EVC: variants seen among roughly 807,000 people sequenced by gnomAD.
EVC encodes the protein evC complex member EVC.
Under a neutral mutation model 118.9 loss-of-function variants are expected in EVC, and 116 were observed. The observed-to-expected ratio is 0.98, with a 90% CI of 0.84 to 1.14. EVC has a LOEUF of 1.14. EVC is among the 50% of genes most tolerant of loss of function. EVC has a pLI of 0.00. For missense variants in EVC, 1,401 were observed against 1,246.4 expected (o/e 1.12, Z -1.87); for synonymous variants, 619 against 534.7 (o/e 1.16, Z -2.18).
chr4:5,718,369 TCACACCTGAATGAAGCTTCTGTAACA>T (rs1464727460), intron 1 of EVC, among the ~76,000 whole-genome samples: 1 of 152,164 alleles, frequency 6.6e-6, no homozygotes, highest in Non-Finnish European at 1.5e-5. Context: ...GCTCTGTAAC[TCACACCTGAATGAAGCTTCTGTAACA>T]CACCCATTTC....
intron 11 of EVC, among the ~76,000 whole-genome samples, chr4:5,780,560 CTTAACAATTATATTTA>C (rs1179671141): frequency 6.6e-6 from 1 of 152,120 alleles, no homozygotes; most frequent in East Asian, 1.9e-4. Context: ...ATTAGTAATT[CTTAACAATTATATTTA>C]TTATCACCTG....
chr4:5,791,532 G>C lies in EVC; in HGVS notation c.1777-2076G>C, dbSNP rs542646017. Reference sequence around the variant, plus strand: ...ATCCAGGAAGGCAGAGAGAACACTGGAATCTTATTTCTCCTTCTAGTCTGG... The same window carrying C: ...ATCCAGGAAGGCAGAGAGAACACTGCAATCTTATTTCTCCTTCTAGTCTGG... On this transcript the variant is annotated intron_variant, in intron 12 of 20. Transcript: ENST00000264956. Among the ~76,000 whole-genome samples, 39 of 152,258 alleles carry C rather than the reference G, an allele frequency of 2.6e-4. No homozygotes were observed. In the South Asian group the frequency reaches 7.9e-3, roughly 31 times the overall value.
At chr4:5,734,352 C>T (rs115610200) in intron 5 of EVC, among the ~76,000 whole-genome samples, 5 of 152,220 alleles carry the variant, frequency 3.3e-5, no homozygotes, top group African/African-American at 9.6e-5. Flanking sequence ...AAGAACATCA[C>T]GTTGGAGGCC....
chr4:5,753,078 G>A (rs780701984), intron 9 of EVC, 26 bp downstream of exon 9: 42 of 1,553,500 alleles, frequency 2.7e-5, no homozygotes, highest in East Asian at 9.5e-5. Context: ...GGGTGCCGCC[G>A]TCCACAACAC....
downstream of EVC, among the ~76,000 whole-genome samples, chr4:5,818,932 C>T (rs1041881548): frequency 4.6e-5 from 7 of 152,162 alleles, no homozygotes; most frequent in African/African-American, 9.7e-5. Context: ...GCTTTCTACC[C>T]CACCCACCTT....
At chr4:5,726,375 C>G (rs569165209) in intron 2 of EVC, among the ~76,000 whole-genome samples, 6 of 152,192 alleles carry the variant, frequency 3.9e-5, no homozygotes, top group Admixed American at 3.3e-4. Flanking sequence ...ACTGACTTTA[C>G]AAAGTGCAGG....
At chr4:5,806,360 G>A (rs1246865233) in intron 17 of EVC, among the ~76,000 whole-genome samples, 3 of 152,078 alleles carry the variant, frequency 2.0e-5, no homozygotes, top group African/African-American at 7.2e-5. Flanking sequence ...GATTACAGGT[G>A]TGAGCCACTG....
At chr4:5,825,961 C>T in the EVC span, 1 of 431,568 alleles carries the variant, frequency 2.3e-6, no homozygotes, top group Non-Finnish European at 4.1e-6. This position sits in a 1 kb window ranked among gnomAD's most constrained non-coding sequence, Gnocchi z 4.4. Context: ...TATGCATGCA[C>T]ATGCAGTAAC....
the EVC span, chr4:5,825,921 C>T: frequency 2.0e-6 from 1 of 493,606 alleles, no homozygotes; most frequent in Non-Finnish European, 3.5e-6. The surrounding 1 kb of genome is among the most constrained non-coding windows in gnomAD (Gnocchi z 4.4). Flanking sequence ...CACGCACACG[C>T]ACTCACATAC....
chr4:5,824,384 G>C, the EVC span: 7 of 985,186 alleles, frequency 7.1e-6, no homozygotes, highest in Non-Finnish European at 7.2e-6. Flanking sequence ...GAATGGGGAG[G>C]CCTCCTTGAT....
intron 12 of EVC, among the ~76,000 whole-genome samples, chr4:5,784,706 C>A (rs943403424): frequency 2.8e-5 from 4 of 144,956 alleles, no homozygotes; most frequent in African/African-American, 1.0e-4. Flanking sequence ...CTCCCAGGTT[C>A]AAGCGATTCT....
Position 5,797,182 on chromosome 4 carries a change from G to A in EVC, c.2047G>A (p.Gly683Arg). 6.2e-7 allele frequency: 1 copy of A among 1,613,238 alleles called. No homozygotes were observed. Among genetic ancestry groups the A allele is most frequent in the South Asian group, 1.1e-5 (1 of 91,038 alleles). Reference protein sequence around the residue: ...ELREQRALEQGSSQCLDEHQW... With the variant: ...ELREQRALEQRSSQCLDEHQW... ...GCGGGAACAGCGTGCACTGGAGCAG[G>A]GGTCCTCCCAGTGCCTGGACGAGCA... The change falls in exon 14 of 21, where the codon GGG becomes AGG. Residue 683 changes from glycine (G) to arginine (R), a missense_variant. Coordinates refer to ENST00000264956, the MANE Select transcript of EVC (RefSeq NM_153717.3).
At chr4:5,824,831 G>A in the EVC span, 29 of 985,236 alleles carry the variant, frequency 2.9e-5, no homozygotes, top group Middle Eastern at 1.0e-3. Flanking sequence ...CTTTCTCAAC[G>A]TGTGCGTGCC....
chr4:5,821,501 G>A, the EVC span: 1 of 522,896 alleles, frequency 1.9e-6, no homozygotes, highest in Non-Finnish European at 3.4e-6. The surrounding 1 kb of genome is among the most constrained non-coding windows in gnomAD (Gnocchi z 4.4). Context: ...AAAACCTGTG[G>A]TTCACTAGGA....
chr4:5,736,158 G>A (rs893678900), intron 5 of EVC, among the ~76,000 whole-genome samples: 27 of 152,126 alleles, frequency 1.8e-4, no homozygotes, highest in African/African-American at 4.8e-4. Context: ...CAGATTGGGG[G>A]CATGGAGGAA....
chr4:5,811,167 A>C lies in EVC; in HGVS notation c.*130A>C. The C allele has an allele frequency of 1.3e-6, 1 of 742,498 alleles. No individual in the cohort carries two copies. Among genetic ancestry groups the C allele is most frequent in the Non-Finnish European group, 2.4e-6 (1 of 424,746 alleles). 46.0% of individuals were successfully genotyped at this position (742,498 alleles called of 1,614,324 possible). On this transcript the variant is annotated 3_prime_UTR_variant, in exon 21 of 21. Coordinates refer to ENST00000264956, the MANE Select transcript of EVC (RefSeq NM_153717.3). ...GCATCTCTAGGCTCTTCTGAGAGGG[A>C]CAGAGAAAGAATAGAAATGTGCCCT...
chr4:5,781,646 G>C (rs1735611909), intron 11 of EVC, among the ~76,000 whole-genome samples: 1 of 152,074 alleles, frequency 6.6e-6, no homozygotes, highest in Admixed American at 6.6e-5. Context: ...AGAGCAGCTT[G>C]AGCAACACAG....
intron 11 of EVC, among the ~76,000 whole-genome samples, chr4:5,781,834 CA>C (rs997249339): frequency 1.1e-4 from 17 of 151,922 alleles, no homozygotes; most frequent in Admixed American, 5.9e-4. Context: ...TGTCTCAAAA[CA>C]AAACAAAAAG....
chr4:5,733,741 CA>C (rs1727228668), intron 5 of EVC, among the ~76,000 whole-genome samples: 1 of 152,100 alleles, frequency 6.6e-6, no homozygotes, highest in Admixed American at 6.5e-5. Context: ...TAAAAGAGAA[CA>C]ATATGTTTAA....
Sources: gnomAD v4.1 joint callset for allele counts (sites outside exome capture counted in the v4.1 genomes callset) on GRCh38, gnomAD v4.1.1 for gene constraint, Gnocchi (gnomAD v3.1) non-coding constraint, MANE v1.5 for transcripts, NCBI Gene and HGNC (gene_info 2026-07-23, HGNC 2026-07-21) for gene names.